Variants in AMPD1 observed in about 807,000 individuals in gnomAD.
AMPD1 encodes adenosine monophosphate deaminase 1.
Under a neutral mutation model 82.9 loss-of-function variants are expected in AMPD1, and 74 were observed. The ratio of observed to expected loss-of-function variants is 0.89; its 90% CI spans 0.74 to 1.08. The LOEUF is 1.08. Ranked by LOEUF, AMPD1 falls within the 50% of genes least tolerant of loss-of-function variation. The pLI, the probability that AMPD1 is intolerant of heterozygous loss-of-function variation, is 0.00. For synonymous variants in AMPD1, 333 were observed against 320.5 expected (o/e 1.04, Z -0.42); for missense variants, 881 against 924.5 (o/e 0.95, Z 0.61).
At position 114,677,915 on chromosome 1, in the gene AMPD1, T is replaced by C. The variant is rs1570840712; in HGVS notation, c.1219A>G (p.Ile407Val). Residue 407 changes from isoleucine (I) to valine (V), a missense_variant, in exon 9 of 16, where the codon ATC becomes GTC. Ile to Val is a conservative substitution (Grantham distance 29). Transcript: ENST00000520113. The stretch of plus-strand genomic sequence containing the variant: ...TGTGATTGGTTCCGCCTCACCTTGA[T>C]GATAGTGGCAAAATATTCCCCATTA... Reference protein sequence around the residue: ...YINGEYFATIIKEVGADLVEA... With the variant: ...YINGEYFATIVKEVGADLVEA... The C allele has an allele frequency of 6.2e-7, 1 of 1,613,642 alleles. No individual in the cohort carries two copies. The highest frequency in any genetic ancestry group is 8.5e-7 in the Non-Finnish European group (1 of 1,179,908).
intron 1 of AMPD1, among the ~76,000 whole-genome samples, chr1:114,694,486 G>GA (rs550477200): frequency 2.8e-4 from 42 of 150,134 alleles, no homozygotes; most frequent in South Asian, 1.5e-3. Flanking sequence ...AGATTGAAAA[G>GA]AAAAAAAAAC....
chr1:114,693,494 T>A (rs747713676), intron 1 of AMPD1, 47 bp from the exon 2 acceptor site: 33 of 1,558,244 alleles, frequency 2.1e-5, no homozygotes, highest in Non-Finnish European at 2.9e-5. Flanking sequence ...AACAACTTTC[T>A]GTAATCATGG....
intron 9 of AMPD1, 102 bp from the exon 10 acceptor site, chr1:114,677,616 A>G (rs1278296124): frequency 6.7e-7 from 1 of 1,499,580 alleles, no homozygotes; most frequent in Non-Finnish European, 9.2e-7. Flanking sequence ...TCAGAATCTG[A>G]AAAGGCTAGG....
intron 6 of AMPD1, 43 bp downstream of exon 6, chr1:114,680,190 AGTAGTACTAGTTGTTGTTTAGGTCTT>A: frequency 7.6e-7 from 1 of 1,314,346 alleles, no homozygotes; most frequent in South Asian, 1.2e-5. Context: ...TATCAGTAGA[AGTAGTACTAGTTGTTGTTTAGGTCTT>A]GTAGTACTAG....
intron 3 of AMPD1, among the ~76,000 whole-genome samples, chr1:114,688,336 C>T (rs1224045700): frequency 6.6e-6 from 1 of 152,146 alleles, no homozygotes; most frequent in Non-Finnish European, 1.5e-5. Flanking sequence ...CCGTGTTGAC[C>T]AGGCTGGTCT....
Position 114,673,532 on chromosome 1 carries a change from T to A in AMPD1, c.2085+107A>T, listed in dbSNP as rs1657892728. On this transcript the variant is annotated intron_variant, in intron 15 of 15. Transcript: ENST00000520113. ...CTAGTCCCTGTCCATAGTAACTGCA[T>A]ATGATTCGTGGAACAATTTTTCTAC... 4 of 989,654 alleles carry A rather than the reference T, an allele frequency of 4.0e-6. No individual in the cohort carries two copies. In the South Asian group the frequency reaches 5.4e-5, roughly 13 times the overall value. The allele number at this position is 989,654 out of a possible 1,614,324, so 61.3% of individuals were successfully genotyped here. A position where few individuals can be genotyped will look rare whatever the true frequency, so the allele number is the denominator to read the frequency against.
chr1:114,680,343 T>G lies in AMPD1; in HGVS notation c.683A>C (p.Glu228Ala), dbSNP rs772011043. 2 of 1,614,216 alleles carry G rather than the reference T, an allele frequency of 1.2e-6. No individual in the cohort carries two copies. Among genetic ancestry groups the G allele is most frequent in the South Asian group, 2.2e-5 (2 of 91,084 alleles). ...YPNEAAVSKD[E>A]PKPLPYPNLD... ...ATTTGGGTAAGGAAGTGGCTTAGGC[T>G]CATCTTTGCTGACTGCTGCTTCATT... Residue 228 changes from glutamate to alanine, a missense_variant, in exon 6 of 16, where the codon GAG becomes GCG. This residue lies in a region of AMPD1 where 783 missense variants were observed against 786.4 expected (regional missense o/e 1.00). Transcript: ENST00000520113.
At chr1:114,693,885 T>A (rs1008165616) in intron 1 of AMPD1, among the ~76,000 whole-genome samples, 4 of 152,142 alleles carry the variant, frequency 2.6e-5, no homozygotes, top group African/African-American at 9.7e-5. Flanking sequence ...AATATTGTTA[T>A]CAGAACATAC....
intron 2 of AMPD1, among the ~76,000 whole-genome samples, chr1:114,690,375 T>C (rs983156787): frequency 1.3e-5 from 2 of 152,208 alleles, no homozygotes; most frequent in Non-Finnish European, 2.9e-5. Flanking sequence ...ATTTGGTGTG[T>C]GGGGTTAGCT....
At chr1:114,685,951 C>T (rs1053950715) in intron 4 of AMPD1, among the ~76,000 whole-genome samples, 6 of 152,172 alleles carry the variant, frequency 3.9e-5, no homozygotes, top group African/African-American at 1.4e-4. Context: ...GGGGACCCAG[C>T]ACTGGTCATT....
chr1:114,688,792 C>G, intron 2 of AMPD1, 51 bp from the exon 3 acceptor site: 1 of 1,598,206 alleles, frequency 6.3e-7, no homozygotes, highest in African/African-American at 1.3e-5. Context: ...CAAAAGTCAG[C>G]TGAGAGTTTC....
intron 10 of AMPD1, among the ~76,000 whole-genome samples, chr1:114,677,138 G>A (rs1031170838): frequency 5.3e-5 from 8 of 151,784 alleles, no homozygotes; most frequent in African/African-American, 1.9e-4. Flanking sequence ...AAAGCTAGAG[G>A]ACTGATCCGA....
intron 10 of AMPD1, among the ~76,000 whole-genome samples, chr1:114,676,644 C>A (rs551789809): frequency 6.6e-6 from 1 of 152,316 alleles, no homozygotes; most frequent in African/African-American, 2.4e-5. Flanking sequence ...TCCTAACCAA[C>A]CTACTGCCTC....
At chr1:114,675,464 T>A (rs1041087419) in intron 12 of AMPD1, 66 bp downstream of exon 12, 2 of 1,553,546 alleles carry the variant, frequency 1.3e-6, no homozygotes, top group South Asian at 2.2e-5. Flanking sequence ...ACCACCTTAA[T>A]TGCCAATATA....
At chr1:114,694,394 C>A (rs961309788) in intron 1 of AMPD1, among the ~76,000 whole-genome samples, 1 of 151,712 alleles carries the variant, frequency 6.6e-6, no homozygotes, top group African/African-American at 2.4e-5. Context: ...CATTATCCTG[C>A]CAAAAGCAGG....
intron 2 of AMPD1, among the ~76,000 whole-genome samples, chr1:114,691,885 A>G (rs1423073070): frequency 6.6e-6 from 1 of 152,158 alleles, no homozygotes. Context: ...AGATTATGCT[A>G]CTGCACTCCA....
chr1:114,685,358 C>A (rs1658283219), intron 4 of AMPD1, among the ~76,000 whole-genome samples: 2 of 152,170 alleles, frequency 1.3e-5, no homozygotes, highest in South Asian at 4.1e-4. Context: ...AGAATAGATG[C>A]TCAATAAGAC....
At position 114,684,369 on chromosome 1, in the gene AMPD1, CA is replaced by C. The variant is rs727503806; in HGVS notation, c.382-6del. On this transcript the variant is annotated splice_region_variant and splice_polypyrimidine_tract_variant and intron_variant, in intron 4 of 15. Coordinates refer to ENST00000520113, the MANE Select transcript of AMPD1 (RefSeq NM_000036.3). ...TTCAAAATCTTCAACTGTAACCTGC[CA>C]AAAAAAAAAAAGTCAGCATATCAGA... is the stretch of plus-strand genomic sequence containing the variant. 47,379 of 889,366 alleles carry C rather than the reference CA, an allele frequency of 0.053. 3 individuals carry two copies. Among genetic ancestry groups the C allele is most frequent in the South Asian group, 0.063 (2,908 of 46,196 alleles). The allele number at this position is 889,366 out of a possible 1,614,324, so 55.1% of individuals were successfully genotyped here. A position where few individuals can be genotyped will look rare whatever the true frequency, so the allele number is the denominator to read the frequency against.
chr1:114,691,246 G>A (rs1658506677), intron 2 of AMPD1, among the ~76,000 whole-genome samples: 1 of 152,192 alleles, frequency 6.6e-6, no homozygotes, highest in South Asian at 2.1e-4. Context: ...CAAGAGTTCT[G>A]CCTTTCAAAA....
Sources: gnomAD v4.1 joint callset for allele counts (sites outside exome capture counted in the v4.1 genomes callset) on GRCh38, gnomAD v4.1.1 for gene constraint, gnomAD v4.1.1 regional missense constraint, MANE v1.5 for transcripts, NCBI Gene and HGNC (gene_info 2026-07-23, HGNC 2026-07-21) for gene names.